The following NIPAL2 variants were observed in gnomAD, a reference collection of about 807,000 sequenced individuals.
The protein encoded by NIPAL2 is NIPA like domain containing 2, also known as NIPA-like protein 2.
Under a neutral mutation model 48.9 loss-of-function variants are expected in NIPAL2, and 43 were observed. That is an observed-to-expected ratio of 0.88 (90% confidence interval 0.69 to 1.13). The LOEUF is 1.13. Among genes scored for constraint, NIPAL2 ranks in the 50% most tolerant of loss-of-function variants. The pLI is 0.00. For missense variants in NIPAL2, 446 were observed against 461.4 expected, an observed-to-expected ratio of 0.97 and a Z score of 0.31; for synonymous variants, 167 against 174.6, an observed-to-expected ratio of 0.96 and a Z score of 0.34.
At chr8:98,228,635 A>G (rs992610303) in intron 4 of NIPAL2, among the ~76,000 whole-genome samples, 1 of 148,334 alleles carries the variant, frequency 6.7e-6, no homozygotes, top group Non-Finnish European at 1.5e-5. Context: ...GAGGCCTGAC[A>G]TGACAGCAGA....
chr8:98,260,006 T>C (rs1203929627), intron 1 of NIPAL2, among the ~76,000 whole-genome samples: 2 of 152,190 alleles, frequency 1.3e-5, no homozygotes, highest in East Asian at 3.8e-4. Flanking sequence ...CAAGAAATAA[T>C]AGACTAAGGT....
At chr8:98,219,059 G>T (rs1244471343) in intron 5 of NIPAL2, among the ~76,000 whole-genome samples, 1 of 152,186 alleles carries the variant, frequency 6.6e-6, no homozygotes, top group Non-Finnish European at 1.5e-5. Flanking sequence ...AGGGGTAGGA[G>T]TGAGGAATGA....
chr8:98,198,959 CT>C lies in NIPAL2; in HGVS notation c.881-2955del, dbSNP rs1054384118. Among the ~76,000 whole-genome samples the C allele has an allele frequency of 4.4e-3, 623 of 140,638 alleles. 5 individuals are homozygous for C. Among genetic ancestry groups the C allele is most frequent in the East Asian group, 0.01 (49 of 4,892 alleles). The allele number at this position is 140,638 out of a possible 152,430, so 92.3% of individuals were successfully genotyped here. ...GTTTTTTTCTTTTTCTTTTTCTTTT[CT>C]TTTTTTTTTTTTTGAGACAGAGTTT... On this transcript the variant is annotated intron_variant, in intron 8 of 10. Transcript: ENST00000430223.
At chr8:98,292,571 C>A in intron 1 of NIPAL2, among the ~76,000 whole-genome samples, 1 of 152,142 alleles carries the variant, frequency 6.6e-6, no homozygotes, top group South Asian at 2.1e-4. Flanking sequence ...TATTTATTTG[C>A]CTCACATTTA....
intron 6 of NIPAL2, among the ~76,000 whole-genome samples, chr8:98,208,731 G>A (rs1811162178): frequency 6.6e-6 from 1 of 152,138 alleles, no homozygotes; most frequent in Non-Finnish European, 1.5e-5. Flanking sequence ...TTACAGGTGT[G>A]AGCCATCACA....
intron 2 of NIPAL2, among the ~76,000 whole-genome samples, chr8:98,253,193 T>A (rs1292662706): frequency 6.6e-6 from 1 of 152,172 alleles, no homozygotes; most frequent in African/African-American, 2.4e-5. Context: ...AGTTATAAAT[T>A]AAATGTGATC....
chr8:98,230,861 C>A (rs905888115), intron 4 of NIPAL2, among the ~76,000 whole-genome samples: 1 of 152,176 alleles, frequency 6.6e-6, no homozygotes, highest in Non-Finnish European at 1.5e-5. Flanking sequence ...CCTCTCTCCC[C>A]GAACTAAAAC....
At chr8:98,239,023 G>A (rs753763978) in intron 3 of NIPAL2, among the ~76,000 whole-genome samples, 1 of 152,076 alleles carries the variant, frequency 6.6e-6, no homozygotes, top group Admixed American at 6.6e-5. Flanking sequence ...GTAGGAGATC[G>A]ATTAGCAATA....
At chr8:98,291,151 A>G (rs934189888) in intron 1 of NIPAL2, among the ~76,000 whole-genome samples, 2 of 152,178 alleles carry the variant, frequency 1.3e-5, no homozygotes, top group African/African-American at 4.8e-5. Context: ...GGTAAAGTCC[A>G]AACTTTGTCA....
Position 98,254,142 on chromosome 8 carries a change from A to C in NIPAL2, c.136-55T>G, listed in dbSNP as rs956001572. 14 of 1,425,570 alleles carry C rather than the reference A, an allele frequency of 9.8e-6. No homozygotes were observed. The African/African-American group carries it at 1.9e-4, about 19-fold the overall frequency. 88.3% of individuals were successfully genotyped at this position (1,425,570 alleles called of 1,614,324 possible). On this transcript the variant is annotated intron_variant, in intron 1 of 10. Coordinates refer to ENST00000430223, the MANE Select transcript of NIPAL2 (RefSeq NM_001321635.2). ...TACTTGTAAGATATTTACTGGAAGA[A>C]AAAAGACAAATTTAGGTGTTCATTC...
intron 1 of NIPAL2, among the ~76,000 whole-genome samples, chr8:98,283,711 C>T (rs1193797264): frequency 6.6e-6 from 1 of 152,190 alleles, no homozygotes; most frequent in African/African-American, 2.4e-5. Context: ...CTCTACCCCA[C>T]ACCTGCCTGG....
intron 3 of NIPAL2, among the ~76,000 whole-genome samples, chr8:98,238,069 T>C (rs1321996336): frequency 1.3e-5 from 2 of 152,324 alleles, no homozygotes; most frequent in Middle Eastern, 3.4e-3. Flanking sequence ...ACTACTGGAC[T>C]CTCTCCCTCA....
At chr8:98,282,324 A>G (rs1815883601) in intron 1 of NIPAL2, among the ~76,000 whole-genome samples, 2 of 152,192 alleles carry the variant, frequency 1.3e-5, no homozygotes, top group Non-Finnish European at 2.9e-5. Flanking sequence ...CAAAGAACTC[A>G]AAGAACACAA....
intron 3 of NIPAL2, among the ~76,000 whole-genome samples, chr8:98,247,166 C>T (rs1439281985): frequency 6.6e-6 from 1 of 152,178 alleles, no homozygotes; most frequent in African/African-American, 2.4e-5. Flanking sequence ...GTTTAACCAC[C>T]GTGCTTCATT....
intron 1 of NIPAL2, among the ~76,000 whole-genome samples, chr8:98,274,029 T>A (rs1325882783): frequency 6.6e-6 from 1 of 152,104 alleles, no homozygotes; most frequent in African/African-American, 2.4e-5. Context: ...GGTTGCCACT[T>A]TAATTATTTC....
intron 1 of NIPAL2, among the ~76,000 whole-genome samples, chr8:98,259,370 C>T (rs933723724): frequency 3.3e-5 from 5 of 152,258 alleles, no homozygotes; most frequent in East Asian, 1.9e-4. Flanking sequence ...CCACCGCACC[C>T]GGCCTCCTTT....
At chr8:98,280,761 T>TATATATATATAGAGAGAGAGAGAGAGAG in intron 1 of NIPAL2, among the ~76,000 whole-genome samples, 33 of 30,020 alleles carry the variant, frequency 1.1e-3, no homozygotes, top group East Asian at 2.5e-3. Flanking sequence ...TATATATATA[T>TATATATATATAGAGAGAGAGAGAGAGAG]AGAGAGAGAG....
rs575336495 is a variant in NIPAL2, at chr8:98,192,944, C to G, written c.*34G>C. ...GTGCAATTTTTTAAAAAGGTGGTAT[C>G]GAATAACAGGCCAACAGCCATCCTT... On this transcript the variant is annotated 3_prime_UTR_variant, in exon 11 of 11. Transcript: ENST00000430223. 2.3e-5 allele frequency: 31 copies of G among 1,368,054 alleles called. No individual in the cohort carries two copies. Among genetic ancestry groups the G allele is most frequent in the Admixed American group, 1.4e-4 (8 of 59,006 alleles). 84.7% of individuals were successfully genotyped at this position (1,368,054 alleles called of 1,614,324 possible).
At chr8:98,273,579 GAT>G (rs1815267901) in intron 1 of NIPAL2, among the ~76,000 whole-genome samples, 1 of 152,134 alleles carries the variant, frequency 6.6e-6, no homozygotes, top group Non-Finnish European at 1.5e-5. Context: ...ACTATAGGTA[GAT>G]AGAGATATTT....
Sources: allele counts gnomAD v4.1 joint callset (sites outside exome capture counted in the v4.1 genomes callset), GRCh38; gene constraint gnomAD v4.1.1; transcripts MANE v1.5; gene names NCBI Gene and HGNC (gene_info 2026-07-23, HGNC 2026-07-21).